Variants in FAM53A observed in about 807,000 individuals in gnomAD.
FAM53A encodes the protein family with sequence similarity 53 member A, also known as protein FAM53A.
In FAM53A, 28 loss-of-function variants were observed where a neutral mutation model predicts 26.6. The ratio of observed to expected loss-of-function variants is 1.05; its 90% CI spans 0.78 to 1.45. The LOEUF is 1.45. FAM53A is among the 40% of genes most tolerant of loss of function. The pLI, the probability that FAM53A is intolerant of heterozygous loss-of-function variation, is 0.00. For missense variants in FAM53A, 650 were observed against 575.8 expected (o/e 1.13, Z -1.32); for synonymous variants, 290 against 253.1 (o/e 1.15, Z -1.38).
upstream of FAM53A, among the ~76,000 whole-genome samples, chr4:1,684,705 G>A (rs1256210170): frequency 2.0e-5 from 3 of 151,802 alleles, no homozygotes; most frequent in East Asian, 5.9e-4. Flanking sequence ...CCCGGGGCGC[G>A]CGGTCTCGGG....
chr4:1,641,646 A>C, intron 4 of FAM53A, 39 bp from the exon 5 acceptor site: 1 of 1,605,568 alleles, frequency 6.2e-7, no homozygotes, highest in Admixed American at 1.7e-5. Flanking sequence ...CATTTCTAGC[A>C]GATCACACAG....
At chr4:1,626,942 TG>T (rs1278585135) in intron 1 of FAM53A, among the ~76,000 whole-genome samples, 2 of 151,560 alleles carry the variant, frequency 1.3e-5, no homozygotes, top group Admixed American at 6.6e-5. Context: ...ATGGAGAGGG[TG>T]GGGGCCTGGC....
chr4:1,653,520 T>C (rs781162359), intron 4 of FAM53A, among the ~76,000 whole-genome samples: 8 of 152,190 alleles, frequency 5.3e-5, no homozygotes, highest in Non-Finnish European at 1.0e-4. Context: ...ACCCACGCCA[T>C]GCACACCCCA....
the FAM53A span, among the ~76,000 whole-genome samples, chr4:1,605,385 G>C: frequency 1.3e-5 from 2 of 151,982 alleles, no homozygotes; most frequent in Non-Finnish European, 2.9e-5. The surrounding 1 kb of genome is among the most constrained non-coding windows in gnomAD (Gnocchi z 5.7). Context: ...GGAGACAGCC[G>C]TGCCGGTGAC....
In FAM53A at chr4:1,655,690, G is replaced by A. The variant is rs767498661; in HGVS notation, c.170C>T (p.Pro57Leu). ...QSPWKVFSGGPPVRSQAATGP... is the reference protein window; with the variant it reads ...QSPWKVFSGGLPVRSQAATGP... Reference sequence around the variant, plus strand: ...CGTGGCTGCCTGGCTTCTGACGGGCGGTCCTCCACTGAAGACCTTCCAGGG... The same window carrying A: ...CGTGGCTGCCTGGCTTCTGACGGGCAGTCCTCCACTGAAGACCTTCCAGGG... Residue 57 changes from proline (P) to leucine (L), a missense_variant, in exon 4 of 5, where the codon CCG (proline) becomes CTG (leucine). Physicochemically the swap from Pro to Leu is moderately conservative, Grantham distance 98. Coordinates refer to ENST00000308132, the MANE Select transcript of FAM53A (RefSeq NM_001174070.3). 4.2e-5 allele frequency: 67 copies of A among 1,591,406 alleles called. No individual in the cohort carries two copies. The highest frequency in any genetic ancestry group is 3.1e-4 in the African/African-American group (23 of 74,206).
chr4:1,646,431 A>G (rs1345234721), intron 4 of FAM53A, among the ~76,000 whole-genome samples: 1 of 152,114 alleles, frequency 6.6e-6, no homozygotes, highest in East Asian at 1.9e-4. Flanking sequence ...TCTCTTATTT[A>G]TAAGTGACGT....
At chr4:1,649,004 T>C (rs1712490957) in intron 4 of FAM53A, among the ~76,000 whole-genome samples, 1 of 151,808 alleles carries the variant, frequency 6.6e-6, no homozygotes, top group African/African-American at 2.4e-5. Flanking sequence ...TCCCAGACAC[T>C]TGGGAAGCTG....
intron 2 of FAM53A, among the ~76,000 whole-genome samples, chr4:1,663,488 T>G (rs1714004250): frequency 1.3e-5 from 2 of 152,086 alleles, no homozygotes; most frequent in African/African-American, 4.8e-5. Flanking sequence ...GAGGAACGGA[T>G]GAGCAAATGG....
the FAM53A span, among the ~76,000 whole-genome samples, chr4:1,606,321 A>T: frequency 6.6e-6 from 1 of 151,734 alleles, no homozygotes; most frequent in Non-Finnish European, 1.5e-5. Context: ...CTGGGATTAC[A>T]GGCATGAGCC....
At chr4:1,678,736 C>G (rs1043532029) in intron 1 of FAM53A, among the ~76,000 whole-genome samples, 6 of 151,916 alleles carry the variant, frequency 3.9e-5, no homozygotes, top group African/African-American at 1.5e-4. Flanking sequence ...GCAGGAGAAT[C>G]ACTTGAACCC....
At chr4:1,661,154 C>T (rs1446815022) in intron 2 of FAM53A, among the ~76,000 whole-genome samples, 1 of 152,064 alleles carries the variant, frequency 6.6e-6, no homozygotes, top group Non-Finnish European at 1.5e-5. Flanking sequence ...CTGGCTGCCG[C>T]GGCCCTCTAC....
At chr4:1,593,270 T>G in the FAM53A span, among the ~76,000 whole-genome samples, 7 of 151,182 alleles carry the variant, frequency 4.6e-5, no homozygotes, top group Non-Finnish European at 1.0e-4. Context: ...GGCACCCACG[T>G]CCCCGCGCGC....
rs1187589164 is a variant in FAM53A, at chr4:1,630,858, C to T, written c.432-12747G>A. Among the ~76,000 whole-genome samples the T allele has an allele frequency of 6.6e-6, 1 of 152,176 alleles. No individual in the cohort carries two copies. Among genetic ancestry groups the T allele is most frequent in the Non-Finnish European group, 1.5e-5 (1 of 68,034 alleles). On this transcript the variant is annotated intron_variant, in intron 1 of 1. Transcript: ENST00000489029. The surrounding 1 kb of genome is among the most constrained non-coding windows in gnomAD (Gnocchi z 4.3). ...GTGTCTGCACCATCTCACGAATGTACTAAATGCCAGTTAACTGAACACTAA... is the reference window on the plus strand; with the variant it reads ...GTGTCTGCACCATCTCACGAATGTATTAAATGCCAGTTAACTGAACACTAA...
intron 4 of FAM53A, among the ~76,000 whole-genome samples, chr4:1,646,440 G>A (rs1312890775): frequency 7.2e-5 from 11 of 152,174 alleles, no homozygotes; most frequent in African/African-American, 2.7e-4. Flanking sequence ...TATAAGTGAC[G>A]TCGTCGGGGG....
chr4:1,615,945 G>A (rs1050900155), downstream of FAM53A, among the ~76,000 whole-genome samples: 7 of 152,198 alleles, frequency 4.6e-5, no homozygotes, highest in Admixed American at 2.0e-4. Flanking sequence ...AGAGACATCC[G>A]TTTGGCTGTT....
chr4:1,604,524 C>A, the FAM53A span, among the ~76,000 whole-genome samples: 1 of 152,104 alleles, frequency 6.6e-6, no homozygotes, highest in Non-Finnish European at 1.5e-5. Context: ...GAGCCCCCCA[C>A]TCACAAAGCC....
chr4:1,621,492 A>G (rs1265646765), intron 1 of FAM53A, among the ~76,000 whole-genome samples: 1 of 151,724 alleles, frequency 6.6e-6, no homozygotes, highest in Non-Finnish European at 1.5e-5. Flanking sequence ...ACATGGCCAC[A>G]CTCCACTGCA....
intron 4 of FAM53A, among the ~76,000 whole-genome samples, chr4:1,652,721 CACT>C (rs1451952334): frequency 2.0e-5 from 3 of 149,444 alleles, no homozygotes; most frequent in Non-Finnish European, 1.5e-5. Flanking sequence ...ACACCACACA[CACT>C]ACCAGAGACC....
chr4:1,639,465 G>A (rs1160255217), downstream of FAM53A, among the ~76,000 whole-genome samples: 1 of 152,212 alleles, frequency 6.6e-6, no homozygotes, highest in Non-Finnish European at 1.5e-5. Flanking sequence ...CTGGGGAGCA[G>A]GTGACACTCT....
Sources: gnomAD v4.1 joint callset for allele counts (sites outside exome capture counted in the v4.1 genomes callset) on GRCh38, gnomAD v4.1.1 for gene constraint, Gnocchi (gnomAD v3.1) non-coding constraint, MANE v1.5 for transcripts, NCBI Gene and HGNC (gene_info 2026-07-23, HGNC 2026-07-21) for gene names.